The following OR13G1 variants were observed in gnomAD, a reference collection of about 807,000 sequenced individuals.
OR13G1 encodes olfactory receptor 13G1.
For synonymous variants in OR13G1, 128 were observed against 136.2 expected (o/e 0.94, Z 0.42); for missense variants, 369 against 385.7 (o/e 0.96, Z 0.36).
chr1:247,675,091 T>C (rs1356371155), intron 1 of OR13G1, among the ~76,000 whole-genome samples: 1 of 152,168 alleles, frequency 6.6e-6, no homozygotes, highest in Non-Finnish European at 1.5e-5. Flanking sequence ...TAAGCGGTTC[T>C]GGTCTGGTCA....
Position 247,672,770 on chromosome 1 carries a change from TATG to T in OR13G1, c.269_271del (p.Ser90del), listed in dbSNP as rs775910493. The T allele has an allele frequency of 3.2e-4, 519 of 1,614,080 alleles. 4 individuals are homozygous for T. The highest frequency in any genetic ancestry group is 2.8e-3 in the Middle Eastern group (17 of 6,058). On this transcript the variant is annotated inframe_deletion, in exon 2 of 2. Coordinates refer to ENST00000642119, the MANE Select transcript of OR13G1 (RefSeq NM_001005487.2). ...GAAGAGCTGGGACATGCAGCCTGCATATGAAATGGTATTTTCTGATGTTAGCAT... is the reference window on the plus strand; with the variant it reads ...GAAGAGCTGGGACATGCAGCCTGCATAAATGGTATTTTCTGATGTTAGCAT...
intron 1 of OR13G1, among the ~76,000 whole-genome samples, chr1:247,678,567 G>A (rs1436279367): frequency 6.6e-6 from 1 of 152,164 alleles, no homozygotes; most frequent in Non-Finnish European, 1.5e-5. Flanking sequence ...CGTCAGAGGT[G>A]ATTCTAGTTC....
At chr1:247,676,717 T>C (rs140963994) in intron 1 of OR13G1, among the ~76,000 whole-genome samples, 2 of 152,118 alleles carry the variant, frequency 1.3e-5, no homozygotes, top group African/African-American at 4.8e-5. Context: ...ATAATGAAAA[T>C]ACTAACCAAA....
At chr1:247,674,470 A>G (rs1659302359) in intron 1 of OR13G1, among the ~76,000 whole-genome samples, 1 of 152,184 alleles carries the variant, frequency 6.6e-6, no homozygotes, top group Admixed American at 6.5e-5. Flanking sequence ...TGTTAACCAA[A>G]TTTTAGCTAC....
Position 247,672,746 on chromosome 1 carries a change from A to G in OR13G1, c.296T>C (p.Phe99Ser), listed in dbSNP as rs937839230. 2.2e-5 allele frequency: 36 copies of G among 1,613,940 alleles called. No homozygotes were observed. The highest frequency in any genetic ancestry group is 3.0e-5 in the Non-Finnish European group (35 of 1,180,002). The change falls in exon 2 of 2, where the codon TTC becomes TCC. Residue 99 changes from phenylalanine to serine, a missense_variant. Phe to Ser is a radical substitution (Grantham distance 155). Coordinates refer to ENST00000642119, the MANE Select transcript of OR13G1 (RefSeq NM_001005487.2). ...AGCTCCCAGAGACCATGTGAACAAG[A>G]AGAGCTGGGACATGCAGCCTGCATA... Reference protein sequence around the residue: ...ISYAGCMSQLFLFTWSLGAEM... With the variant: ...ISYAGCMSQLSLFTWSLGAEM...
chr1:247,671,598 A>G lies in OR13G1; in HGVS notation c.*520T>C, dbSNP rs543763215. 6.4e-6 allele frequency: 1 copy of G among 156,212 alleles called. No homozygotes were observed. Among genetic ancestry groups the G allele is most frequent in the Non-Finnish European group, 1.4e-5 (1 of 70,390 alleles). 9.7% of individuals were successfully genotyped at this position (156,212 alleles called of 1,614,324 possible). ...CAATAATTTTATTCAGTAGAGCACG[A>G]TTTTTCTCCAATGAAATCTAAATAA... On this transcript the variant is annotated 3_prime_UTR_variant, in exon 2 of 2. Coordinates refer to ENST00000642119, the MANE Select transcript of OR13G1 (RefSeq NM_001005487.2).
At position 247,672,170 on chromosome 1, in the gene OR13G1, T is replaced by A; in HGVS notation, c.872A>T (p.Asn291Ile). 1.9e-6 allele frequency: 3 copies of A among 1,614,054 alleles called. No homozygotes were observed. The highest frequency in any genetic ancestry group is 2.5e-6 in the Non-Finnish European group (3 of 1,179,962). The part of the protein sequence containing the change: ...TLNPMVYSFQ[N>I]REMQAGIRKV... Reference sequence around the variant, plus strand: ...CCTAATTCCTGCCTGCATCTCCCTATTCTGGAAGCTGTACACCATCGGGTT... The same window carrying A: ...CCTAATTCCTGCCTGCATCTCCCTAATCTGGAAGCTGTACACCATCGGGTT... Residue 291 changes from asparagine to isoleucine, a missense_variant, in exon 2 of 2, where the codon AAT becomes ATT. Transcript: ENST00000642119.
chr1:247,673,924 C>G (rs1054559656), intron 1 of OR13G1, among the ~76,000 whole-genome samples: 1 of 151,846 alleles, frequency 6.6e-6, no homozygotes, highest in Non-Finnish European at 1.5e-5. Flanking sequence ...TAAAGGATAC[C>G]CAAGCATAAA....
At chr1:247,675,229 T>C (rs929263029) in intron 1 of OR13G1, among the ~76,000 whole-genome samples, 1 of 151,794 alleles carries the variant, frequency 6.6e-6, no homozygotes, top group Admixed American at 6.6e-5. Flanking sequence ...TGAGCTTTCA[T>C]TGTTGAAGAA....
Position 247,672,925 on chromosome 1 carries a change from G to A in OR13G1, c.117C>T (p.Asn39=), listed in dbSNP as rs1227559474. ...AGATTTTGGCAATGATGATGAGCATGTTGCCGAGAAAAGCCACAAGATAGA... is the reference window on the plus strand; with the variant it reads ...AGATTTTGGCAATGATGATGAGCATATTGCCGAGAAAAGCCACAAGATAGA... ...LIVYLVAFLG[N]MLIIIAKIYN... The change falls in exon 2 of 2, where the codon AAC becomes AAT. Residue 39 remains asparagine (N), a synonymous_variant. Transcript: ENST00000642119. The A allele has an allele frequency of 6.2e-7, 1 of 1,613,898 alleles. No homozygotes were observed. The highest frequency in any genetic ancestry group is 8.5e-7 in the Non-Finnish European group (1 of 1,179,938).
intron 1 of OR13G1, among the ~76,000 whole-genome samples, chr1:247,678,539 T>C (rs1470777305): frequency 6.6e-6 from 1 of 152,176 alleles, no homozygotes; most frequent in Non-Finnish European, 1.5e-5. Flanking sequence ...CTAGGCCACT[T>C]TCTATTAGGT....
chr1:247,677,829 G>A (rs1264715488), intron 1 of OR13G1, among the ~76,000 whole-genome samples: 3 of 152,168 alleles, frequency 2.0e-5, no homozygotes, highest in East Asian at 3.9e-4. Flanking sequence ...ATAGGGCCGG[G>A]TGCGGTGGCT....
chr1:247,677,892 G>C (rs1353089447), intron 1 of OR13G1, among the ~76,000 whole-genome samples: 1 of 152,118 alleles, frequency 6.6e-6, no homozygotes, highest in East Asian at 1.9e-4. Context: ...ATCACCTGAG[G>C]TTGGGAGTTT....
chr1:247,673,941 C>A (rs1159943928), intron 1 of OR13G1, among the ~76,000 whole-genome samples: 1 of 152,152 alleles, frequency 6.6e-6, no homozygotes, highest in Non-Finnish European at 1.5e-5. Flanking sequence ...TAAATGGCAA[C>A]TGGAGTTTTC....
At position 247,672,953 on chromosome 1, in the gene OR13G1, A is replaced by G. The variant is rs777501569; in HGVS notation, c.89T>C (p.Ile30Thr). Residue 30 changes from isoleucine (I) to threonine (T), a missense_variant, in exon 2 of 2, where the codon ATT becomes ACT. By Grantham distance (89) the Ile-to-Thr change is moderately conservative. Coordinates refer to ENST00000642119, the MANE Select transcript of OR13G1 (RefSeq NM_001005487.2). ...GCCGAGAAAAGCCACAAGATAGACA[A>G]TGAGAAAAAAGAGGAAGATAATTCC... ...LQGIIFLFFL[I>T]VYLVAFLGNM... 9 of 1,613,924 alleles carry G rather than the reference A, an allele frequency of 5.6e-6. No homozygotes were observed. In the African/African-American group the frequency reaches 1.1e-4, roughly 19 times the overall value.
intron 1 of OR13G1, among the ~76,000 whole-genome samples, chr1:247,675,653 AG>A (rs1287376522): frequency 5.3e-5 from 8 of 152,070 alleles, no homozygotes. Flanking sequence ...CTGTGAGGAG[AG>A]GGTATCTACT....
At position 247,670,935 on chromosome 1, in the gene OR13G1, T is replaced by G. The variant is rs1038885541; in HGVS notation, c.*1183A>C. On this transcript the variant is annotated 3_prime_UTR_variant, in exon 2 of 2. Coordinates refer to ENST00000642119, the MANE Select transcript of OR13G1 (RefSeq NM_001005487.2). ...ATGATATATTTCTTCCAACTTGTTA[T>G]AAGATGTGTTGTATATTGTATATTT... 6.6e-6 allele frequency: 1 copy of G among 152,142 alleles called. No individual in the cohort carries two copies. Among genetic ancestry groups the G allele is most frequent in the Non-Finnish European group, 1.5e-5 (1 of 68,006 alleles). The allele number at this position is 152,142 out of a possible 1,614,324, so 9.4% of individuals were successfully genotyped here.
rs139468272 is a variant in OR13G1 at position 247,672,401 on chromosome 1, G to T, written c.641C>A (p.Ser214Tyr). ...AATAGCAACAATGATAAAACCATAG[G>T]AGATGCAGGTAAGAATAAAGTCCCC... ...AIGDFILTCI[S>Y]YGFIIVAILR... is the part of the protein sequence containing the mutation. Residue 214 changes from serine (S) to tyrosine (Y), a missense_variant, in exon 2 of 2, where the codon TCC becomes TAC. Transcript: ENST00000642119. The T allele has an allele frequency of 6.2e-7, 1 of 1,613,944 alleles. No individual in the cohort carries two copies. Among genetic ancestry groups the T allele is most frequent in the Non-Finnish European group, 8.5e-7 (1 of 1,179,992 alleles).
Position 247,671,455 on chromosome 1 carries a change from C to T in OR13G1, c.*663G>A, listed in dbSNP as rs988431049. On this transcript the variant is annotated 3_prime_UTR_variant, in exon 2 of 2. Coordinates refer to ENST00000642119, the MANE Select transcript of OR13G1 (RefSeq NM_001005487.2). The stretch of plus-strand genomic sequence containing the variant: ...ATTGAACCGCCATACACACTATTGA[C>T]TGCCTGCCTAATGTCAGACTAATGT... 4 of 152,472 alleles carry T rather than the reference C, an allele frequency of 2.6e-5. No homozygotes were observed. The highest frequency in any genetic ancestry group is 9.7e-5 in the African/African-American group (4 of 41,428). 9.4% of individuals were successfully genotyped at this position (152,472 alleles called of 1,614,324 possible).
Sources: gnomAD v4.1 joint callset for allele counts (sites outside exome capture counted in the v4.1 genomes callset) on GRCh38, gnomAD v4.1.1 for gene constraint, MANE v1.5 for transcripts, NCBI Gene and HGNC (gene_info 2026-07-23, HGNC 2026-07-21) for gene names.